Variants in BTC observed in about 807,000 individuals in gnomAD.
The protein encoded by BTC is probetacellulin.
Under a neutral mutation model 18.1 loss-of-function variants are expected in BTC, and 13 were observed. The observed-to-expected ratio is 0.72, with a 90% CI of 0.47 to 1.14. The LOEUF is 1.14. BTC is among the 50% of genes most tolerant of loss of function. The pLI is 0.00. For missense variants in BTC, 247 were observed against 224.2 expected (o/e 1.10, Z -0.65); for synonymous variants, 83 against 79.4 (o/e 1.05, Z -0.24).
intron 2 of BTC, 81 bp from the exon 3 acceptor site, chr4:74,756,057 C>T: frequency 8.2e-7 from 1 of 1,219,924 alleles, no homozygotes; most frequent in Admixed American, 1.7e-5. Context: ...TATCTTGCTG[C>T]CAGTTTCTCT....
At chr4:74,757,660 T>A (rs183038331) in intron 2 of BTC, among the ~76,000 whole-genome samples, 1 of 152,272 alleles carries the variant, frequency 6.6e-6, no homozygotes, top group East Asian at 1.9e-4. Flanking sequence ...TAGAATAGAA[T>A]AAATAAAAAA....
At chr4:74,762,197 A>AT (rs1724777122) in intron 2 of BTC, among the ~76,000 whole-genome samples, 1 of 152,102 alleles carries the variant, frequency 6.6e-6, no homozygotes, top group Non-Finnish European at 1.5e-5. Context: ...TATTCTTATT[A>AT]TTTTTAGCAT....
chr4:74,793,282 C>T (rs948348170), intron 1 of BTC, among the ~76,000 whole-genome samples: 4 of 152,192 alleles, frequency 2.6e-5, no homozygotes, highest in Admixed American at 2.0e-4. Flanking sequence ...TTTTAGCCAC[C>T]TCTCTTACTC....
chr4:74,786,893 A>G (rs1725492038), intron 1 of BTC, among the ~76,000 whole-genome samples: 1 of 152,300 alleles, frequency 6.6e-6, no homozygotes. Context: ...GTCCCATATA[A>G]TAAGGGATGG....
rs1232422606 is a variant in BTC at position 74,750,503 on chromosome 4, GA to G, written c.428+69del. ...AAGCAAAAGAGAATGTAAAGAGGAA[GA>G]AAAGAAGAAAAACTATGAGCAAATA... On this transcript the variant is annotated intron_variant, in intron 4 of 5. Transcript: ENST00000395743. 25 of 1,468,724 alleles carry G rather than the reference GA, an allele frequency of 1.7e-5. No homozygotes were observed. The African/African-American group carries it at 3.3e-4, about 19-fold the overall frequency. 91.0% of individuals were successfully genotyped at this position (1,468,724 alleles called of 1,614,324 possible).
At chr4:74,772,611 G>A (rs1725071619) in intron 1 of BTC, among the ~76,000 whole-genome samples, 2 of 151,324 alleles carry the variant, frequency 1.3e-5, no homozygotes, top group African/African-American at 2.4e-5. Context: ...CTTTCTTCAT[G>A]GGCAGTAATA....
chr4:74,793,475 G>A (rs1725686471), intron 1 of BTC, among the ~76,000 whole-genome samples: 1 of 152,206 alleles, frequency 6.6e-6, no homozygotes, highest in Admixed American at 6.5e-5. Context: ...AAACCCAGAT[G>A]TGTCTACAGC....
intron 4 of BTC, among the ~76,000 whole-genome samples, chr4:74,749,678 A>ATTTTTTT (rs1560708204): frequency 1.1e-5 from 1 of 90,630 alleles, no homozygotes; most frequent in Non-Finnish European, 2.3e-5. Flanking sequence ...TTAATAAGAT[A>ATTTTTTT]GTTTTTTTTG....
intron 1 of BTC, among the ~76,000 whole-genome samples, chr4:74,788,996 T>G (rs1218122697): frequency 2.6e-5 from 4 of 152,214 alleles, no homozygotes; most frequent in Admixed American, 2.6e-4. Flanking sequence ...TGTGAGTGTG[T>G]ATGTGAGGAA....
At position 74,745,068 on chromosome 4, in the gene BTC, A is replaced by C. The variant is rs1724256945; in HGVS notation, c.*1609T>G. The C allele has an allele frequency of 6.6e-6, 1 of 152,228 alleles. No homozygotes were observed. Among genetic ancestry groups the C allele is most frequent in the African/African-American group, 2.4e-5 (1 of 41,462 alleles). The allele number at this position is 152,228 out of a possible 1,614,324, so 9.4% of individuals were successfully genotyped here. On this transcript the variant is annotated 3_prime_UTR_variant, in exon 6 of 6. Transcript: ENST00000395743. ...TTATTCCAAGCTCCTTTCGTATCGA[A>C]GAAGACTACATAAGAGAAAGGGCAT...
intron 1 of BTC, among the ~76,000 whole-genome samples, chr4:74,772,418 C>T (rs1725066806): frequency 6.6e-6 from 1 of 152,104 alleles, no homozygotes; most frequent in Non-Finnish European, 1.5e-5. Flanking sequence ...TTATATTACT[C>T]ATCTTTGTAA....
At chr4:74,748,008 T>G in intron 5 of BTC, 32 bp downstream of exon 5, 1 of 1,276,658 alleles carries the variant, frequency 7.8e-7, no homozygotes, top group South Asian at 1.3e-5. Context: ...GTCACCTGAA[T>G]AGTTTTCTAT....
chr4:74,769,757 A>G (rs935441932), intron 2 of BTC, among the ~76,000 whole-genome samples: 4 of 152,180 alleles, frequency 2.6e-5, no homozygotes, highest in Admixed American at 2.6e-4. Flanking sequence ...CCCAAAATAT[A>G]GTGGCTGACT....
chr4:74,776,777 T>G (rs1461520998), intron 1 of BTC, among the ~76,000 whole-genome samples: 3 of 152,178 alleles, frequency 2.0e-5, no homozygotes, highest in Non-Finnish European at 2.9e-5. Context: ...TGAGCTGAAT[T>G]TTCCATTTTT....
At chr4:74,772,048 C>T (rs773509136) in intron 1 of BTC, among the ~76,000 whole-genome samples, 4 of 152,112 alleles carry the variant, frequency 2.6e-5, no homozygotes, top group Non-Finnish European at 5.9e-5. Context: ...AATAATATAG[C>T]GTGATCTGTT....
At chr4:74,749,055 T>C (rs566877906) in intron 4 of BTC, among the ~76,000 whole-genome samples, 1 of 152,204 alleles carries the variant, frequency 6.6e-6, no homozygotes, top group Non-Finnish European at 1.5e-5. Context: ...ACACTCTTGT[T>C]TTACAGAAAA....
At position 74,784,854 on chromosome 4, in the gene BTC, G is replaced by A. The variant is rs139435358; in HGVS notation, c.64+9408C>T. Among the ~76,000 whole-genome samples the A allele has an allele frequency of 8.9e-4, 136 of 152,278 alleles. 1 individual carries two copies. Among genetic ancestry groups the A allele is most frequent in the African/African-American group, 3.2e-3 (133 of 41,554 alleles). Reference sequence around the variant, plus strand: ...GTCTTTTGTTGATTTTTGCATCAACGTTCATCAAGGATATTGGCCTGAAGT... The same window carrying A: ...GTCTTTTGTTGATTTTTGCATCAACATTCATCAAGGATATTGGCCTGAAGT... On this transcript the variant is annotated intron_variant, in intron 1 of 5. Coordinates refer to ENST00000395743, the MANE Select transcript of BTC (RefSeq NM_001729.4).
chr4:74,792,318 T>A (rs1725654399), intron 1 of BTC, among the ~76,000 whole-genome samples: 1 of 152,210 alleles, frequency 6.6e-6, no homozygotes, highest in Admixed American at 6.5e-5. Context: ...CATTTCTGTC[T>A]TTTGACAAGT....
At chr4:74,755,064 A>C (rs150983233) in intron 3 of BTC, among the ~76,000 whole-genome samples, 1 of 151,962 alleles carries the variant, frequency 6.6e-6, no homozygotes, top group South Asian at 2.1e-4. Context: ...AATATATTTA[A>C]GTTTTTAAAA....
Sources: allele counts gnomAD v4.1 joint callset (sites outside exome capture counted in the v4.1 genomes callset), GRCh38; gene constraint gnomAD v4.1.1; transcripts MANE v1.5; gene names NCBI Gene and HGNC (gene_info 2026-07-23, HGNC 2026-07-21).